ITGA9: variants seen among roughly 807,000 people sequenced by gnomAD.
ITGA9 encodes integrin subunit alpha 9.
ITGA9 carries 56 observed loss-of-function variants against 127.8 expected under a neutral mutation model. The observed-to-expected ratio is 0.44, with a 90% CI of 0.35 to 0.55. ITGA9 has a LOEUF of 0.55. Ranked by LOEUF, ITGA9 falls within the 20% of genes least tolerant of loss-of-function variation. ITGA9 has a pLI of 0.00. For synonymous variants in ITGA9, 508 were observed against 514.5 expected (o/e 0.99, Z 0.17); for missense variants, 1,196 against 1,347.1 (o/e 0.89, Z 1.76).
At chr3:37,552,988 C>T (rs1267919227) in intron 15 of ITGA9, among the ~76,000 whole-genome samples, 14 of 146,152 alleles carry the variant, frequency 9.6e-5, no homozygotes, top group Middle Eastern at 3.6e-3. Context: ...GCACTCCAGC[C>T]TAGGAGACCG....
chr3:37,549,830 A>G (rs917337990), intron 15 of ITGA9, among the ~76,000 whole-genome samples: 1 of 152,224 alleles, frequency 6.6e-6, no homozygotes, highest in African/African-American at 2.4e-5. Flanking sequence ...GGAAGCAGCA[A>G]GATTTCTCTG....
chr3:37,760,633 C>A (rs7638209), intron 23 of ITGA9, among the ~76,000 whole-genome samples: 46,343 of 151,954 alleles, frequency 0.3, 7,225 homozygotes, highest in Middle Eastern at 0.47. Flanking sequence ...TTTGGGAAGA[C>A]ATTAGAGAAA....
At chr3:37,818,141 G>A (rs937590953) in intron 27 of ITGA9, 3 of 128,832 alleles carry the variant, frequency 2.3e-5, no homozygotes, top group Non-Finnish European at 4.6e-5. Context: ...TTTCCCCACC[G>A]GAATTAATGG....
chr3:37,736,915 C>T lies in ITGA9; in HGVS notation c.2166C>T (p.Ser722=), dbSNP rs758231983. 6.8e-6 allele frequency: 11 copies of T among 1,611,650 alleles called. No individual in the cohort carries two copies. Among genetic ancestry groups the T allele is most frequent in the Middle Eastern group, 1.7e-4 (1 of 6,060 alleles). Reference sequence around the variant, plus strand: ...TCCTTTTTCACTAGTATGAATTCAGCGTGATCTTTGATACAAGCCACCTGT... The same window carrying T: ...TCCTTTTTCACTAGTATGAATTCAGTGTGATCTTTGATACAAGCCACCTGT... ...FMRSKSKYEF[S]VIFDTSHLSG... The change falls in exon 20 of 28, where the codon AGC becomes AGT. Residue 722 remains serine, a synonymous_variant. Transcript: ENST00000264741.
At chr3:37,672,036 G>A (rs995495316) in intron 17 of ITGA9, among the ~76,000 whole-genome samples, 5 of 152,124 alleles carry the variant, frequency 3.3e-5, no homozygotes, top group Admixed American at 6.5e-5. Context: ...TTTGAATGCA[G>A]ACAAGTATCC....
chr3:37,779,923 T>C lies in ITGA9; in HGVS notation c.2689T>C (p.Ser897Pro), dbSNP rs774615466. Residue 897 changes from serine to proline, a missense_variant, in exon 25 of 28, where the codon TCT becomes CCT. Transcript: ENST00000264741. ...KVLDCEKPGISCLTAHCNFSA... is the reference protein window; with the variant it reads ...KVLDCEKPGIPCLTAHCNFSA... ...TCAGGACTGTGAAAAACCAGGAATT[T>C]CTTGCCTAACAGCACACTGTAACTT... is the stretch of plus-strand genomic sequence containing the variant. 1 of 1,614,122 alleles carries C rather than the reference T, an allele frequency of 6.2e-7. No individual in the cohort carries two copies. The highest frequency in any genetic ancestry group is 1.7e-5 in the Admixed American group (1 of 60,026).
chr3:37,638,345 T>A (rs1700300783), intron 16 of ITGA9, among the ~76,000 whole-genome samples: 1 of 151,050 alleles, frequency 6.6e-6, no homozygotes, highest in African/African-American at 2.4e-5. Context: ...TTGGTTGAAA[T>A]TAAAATAAAA....
At chr3:37,710,946 C>T (rs1020576512) in intron 18 of ITGA9, among the ~76,000 whole-genome samples, 1 of 152,222 alleles carries the variant, frequency 6.6e-6, no homozygotes, top group Non-Finnish European at 1.5e-5. Flanking sequence ...TCACAAATCA[C>T]ATGTCAAAAC....
intron 15 of ITGA9, among the ~76,000 whole-genome samples, chr3:37,618,289 C>T (rs1700094671): frequency 6.6e-6 from 1 of 152,200 alleles, no homozygotes; most frequent in African/African-American, 2.4e-5. Context: ...TATTGGTGAA[C>T]AGCAAATGTA....
At chr3:37,697,700 G>A (rs564378581) in intron 18 of ITGA9, among the ~76,000 whole-genome samples, 66 of 152,252 alleles carry the variant, frequency 4.3e-4, no homozygotes, top group African/African-American at 1.5e-3. Flanking sequence ...ATTCCATGGT[G>A]TATATGTGCC....
intron 18 of ITGA9, among the ~76,000 whole-genome samples, chr3:37,697,349 AT>A (rs1420306595): frequency 4.2e-5 from 5 of 120,458 alleles, no homozygotes; most frequent in Non-Finnish European, 9.1e-5. Flanking sequence ...TATTATTATT[AT>A]TATACTTTAA....
chr3:37,714,923 T>A (rs933044485), intron 18 of ITGA9, among the ~76,000 whole-genome samples: 8 of 152,206 alleles, frequency 5.3e-5, no homozygotes, highest in Admixed American at 3.3e-4. Context: ...CTGATCACTC[T>A]ACCATATATA....
chr3:37,822,228 G>A lies in ITGA9; in HGVS notation c.*3239G>A, dbSNP rs1697523244. On this transcript the variant is annotated 3_prime_UTR_variant, in exon 28 of 28. Transcript: ENST00000264741. ...TTCAGCTTTTAGTTGAATCTTCAAT[G>A]TGGTTTTAACCAACTGTTCAGAGAA... 1 of 152,134 alleles carries A rather than the reference G, an allele frequency of 6.6e-6. No individual in the cohort carries two copies. The highest frequency in any genetic ancestry group is 2.4e-5 in the African/African-American group (1 of 41,404). The allele number at this position is 152,134 out of a possible 1,614,324, so 9.4% of individuals were successfully genotyped here. A position where few individuals can be genotyped will look rare whatever the true frequency, so the allele number is the denominator to read the frequency against.
chr3:37,628,616 A>G (rs988331434), intron 15 of ITGA9, among the ~76,000 whole-genome samples: 2 of 151,976 alleles, frequency 1.3e-5, no homozygotes, highest in African/African-American at 4.8e-5. Flanking sequence ...TTCCTTTCCC[A>G]TCGTGACTGT....
chr3:37,761,018 G>A lies in ITGA9; in HGVS notation c.2541+10449G>A, dbSNP rs1264310900. Reference sequence around the variant, plus strand: ...CAAAAGAAGAAATTTTAGGGGCTGGGTGTGGTGGCTCATGCCTGTCATCCC... The same window carrying A: ...CAAAAGAAGAAATTTTAGGGGCTGGATGTGGTGGCTCATGCCTGTCATCCC... On this transcript the variant is annotated intron_variant, in intron 23 of 27. Transcript: ENST00000264741. Among the ~76,000 whole-genome samples the A allele has an allele frequency of 3.3e-5, 5 of 152,306 alleles. No homozygotes were observed. The East Asian group carries it at 9.6e-4, about 29-fold the overall frequency.
chr3:37,822,531 A>G lies in ITGA9; in HGVS notation c.*3542A>G, dbSNP rs1336859937. 2.0e-5 allele frequency: 3 copies of G among 151,806 alleles called. No individual in the cohort carries two copies. The East Asian group carries it at 5.8e-4, about 29-fold the overall frequency. The allele number at this position is 151,806 out of a possible 1,614,324, so 9.4% of individuals were successfully genotyped here. On this transcript the variant is annotated 3_prime_UTR_variant, in exon 28 of 28. Transcript: ENST00000264741. ...CTGAGGTTTCCTCAGGCAGTTCTTT[A>G]GGAAAACTGTCAGCATCATGGGTAC...
At chr3:37,516,547 C>G (rs2125578712) in intron 9 of ITGA9, among the ~76,000 whole-genome samples, 1 of 152,302 alleles carries the variant, frequency 6.6e-6, no homozygotes, top group Non-Finnish European at 1.5e-5. Context: ...CTCTTCCCCA[C>G]TACACTGAAA....
At chr3:37,757,577 G>T (rs575925377) in intron 23 of ITGA9, among the ~76,000 whole-genome samples, 5 of 151,858 alleles carry the variant, frequency 3.3e-5, no homozygotes, top group African/African-American at 1.2e-4. Flanking sequence ...CTTGAGTCCA[G>T]AAGGTCAAGG....
Position 37,471,122 on chromosome 3 carries a change from G to T in ITGA9, c.301G>T (p.Asp101Tyr). 1 of 1,613,972 alleles carries T rather than the reference G, an allele frequency of 6.2e-7. No individual in the cohort carries two copies. Among genetic ancestry groups the T allele is most frequent in the African/African-American group, 1.3e-5 (1 of 74,992 alleles). The stretch of plus-strand genomic sequence containing the variant: ...CCCTGACCGGAGATGCACCGAACTG[G>T]ACATGGCTCGAGGTGGGTGACCATT... The part of the protein sequence containing the change: ...TNPDRRCTEL[D>Y]MARGKNRGTS... Residue 101 changes from aspartate to tyrosine, a missense_variant, in exon 2 of 28, where the codon GAC becomes TAC. Coordinates refer to ENST00000264741, the MANE Select transcript of ITGA9 (RefSeq NM_002207.3).
Sources: gnomAD v4.1 joint callset for allele counts (sites outside exome capture counted in the v4.1 genomes callset) on GRCh38, gnomAD v4.1.1 for gene constraint, MANE v1.5 for transcripts, NCBI Gene and HGNC (gene_info 2026-07-23, HGNC 2026-07-21) for gene names.